The following FAF1 variants were observed in gnomAD, a reference collection of about 807,000 sequenced individuals.
FAF1 encodes Fas associated factor 1.
A neutral mutation model predicts 92.5 loss-of-function variants in FAF1; 25 were observed. The ratio of observed to expected loss-of-function variants is 0.27; its 90% CI spans 0.20 to 0.38. The LOEUF is 0.38. Ranked by LOEUF, FAF1 falls within the 10% of genes least tolerant of loss-of-function variation. FAF1 has a pLI of 1.00. For missense variants in FAF1, 636 were observed against 793.3 expected (o/e 0.80, Z 2.38); for synonymous variants, 234 against 273.2 (o/e 0.86, Z 1.42).
intron 18 of FAF1, among the ~76,000 whole-genome samples, chr1:50,454,270 T>C (rs12133928): frequency 0.048 from 7,363 of 152,308 alleles, 213 homozygotes; most frequent in East Asian, 0.075. Context: ...TCCTCAAATA[T>C]GTCTTGTGCT....
At chr1:50,597,607 T>A (rs1254472643) in intron 8 of FAF1, among the ~76,000 whole-genome samples, 1 of 152,286 alleles carries the variant, frequency 6.6e-6, no homozygotes, top group East Asian at 1.9e-4. Flanking sequence ...AAAAAGTTTA[T>A]GCATTTAAAT....
chr1:50,530,790 A>G lies in FAF1; in HGVS notation c.1494+4579T>C, dbSNP rs542000166. Among the ~76,000 whole-genome samples, 31 of 152,256 alleles carry G rather than the reference A, an allele frequency of 2.0e-4. No homozygotes were observed. The South Asian group carries it at 6.4e-3, about 32-fold the overall frequency. On this transcript the variant is annotated intron_variant, in intron 15 of 18. Transcript: ENST00000396153. ...TACTGTGTACCCAAAAAATGAAACA[A>G]ACAACCAACAAGAACAACAACAACA...
At chr1:50,493,495 C>T (rs561007963) in intron 15 of FAF1, among the ~76,000 whole-genome samples, 69 of 152,326 alleles carry the variant, frequency 4.5e-4, no homozygotes, top group Non-Finnish European at 8.1e-4. Context: ...TTTGACCTTA[C>T]TTTCCTGACT....
At chr1:50,785,452 T>TA (rs1174747813) in intron 4 of FAF1, among the ~76,000 whole-genome samples, 1 of 151,882 alleles carries the variant, frequency 6.6e-6, no homozygotes, top group Non-Finnish European at 1.5e-5. Context: ...ATAACCCATT[T>TA]AAAAAAATGG....
intron 2 of FAF1, among the ~76,000 whole-genome samples, chr1:50,857,643 C>A (rs922667184): frequency 3.3e-5 from 5 of 151,760 alleles, no homozygotes; most frequent in African/African-American, 1.2e-4. Context: ...CTCTTCTCTC[C>A]TTCCGAGCAT....
chr1:50,458,446 T>C (rs868715245), intron 18 of FAF1, among the ~76,000 whole-genome samples: 26 of 152,290 alleles, frequency 1.7e-4, no homozygotes, highest in Middle Eastern at 3.4e-3. Context: ...ATACCTGGCA[T>C]ACAATAGGCA....
chr1:50,806,327 C>T (rs1341309502), intron 2 of FAF1, among the ~76,000 whole-genome samples: 1 of 152,182 alleles, frequency 6.6e-6, no homozygotes, highest in Non-Finnish European at 1.5e-5. Context: ...TACCACCACA[C>T]ACCCAATGGT....
intron 3 of FAF1, among the ~76,000 whole-genome samples, chr1:50,790,005 C>A (rs80297338): frequency 0.066 from 10,091 of 152,262 alleles, 412 homozygotes; most frequent in East Asian, 0.095. Context: ...CCTTTCATAT[C>A]TCAGATTGAA....
At chr1:50,631,102 C>A (rs1048508488) in intron 8 of FAF1, among the ~76,000 whole-genome samples, 1 of 151,972 alleles carries the variant, frequency 6.6e-6, no homozygotes, top group Non-Finnish European at 1.5e-5. Context: ...TATTTTCATT[C>A]TCCTACCATT....
chr1:50,884,595 C>A (rs769824996), intron 1 of FAF1, among the ~76,000 whole-genome samples: 12 of 151,682 alleles, frequency 7.9e-5, no homozygotes, highest in Admixed American at 6.6e-5. Context: ...ATCCTTGGAT[C>A]TCTCAGACAC....
intron 4 of FAF1, among the ~76,000 whole-genome samples, chr1:50,774,207 T>C (rs1211296119): frequency 6.6e-6 from 1 of 152,192 alleles, no homozygotes; most frequent in African/African-American, 2.4e-5. Context: ...ATCAATTTCA[T>C]TGTCATTTCA....
intron 13 of FAF1, among the ~76,000 whole-genome samples, chr1:50,563,426 T>TA (rs1046418676): frequency 9.6e-4 from 136 of 141,920 alleles, no homozygotes; most frequent in South Asian, 5.7e-3. Flanking sequence ...CCTTGTCTCT[T>TA]AAAAAAAAAA....
chr1:50,770,528 C>T (rs1329303929), intron 4 of FAF1, among the ~76,000 whole-genome samples: 1 of 152,034 alleles, frequency 6.6e-6, no homozygotes, highest in African/African-American at 2.4e-5. Flanking sequence ...AAATGCAATA[C>T]CTAGGAATAC....
intron 15 of FAF1, among the ~76,000 whole-genome samples, chr1:50,521,629 T>C (rs1647502940): frequency 6.6e-6 from 1 of 152,152 alleles, no homozygotes; most frequent in South Asian, 2.1e-4. Context: ...AACTAGAAAA[T>C]TAAACATACT....
chr1:50,761,603 G>A (rs999807559), intron 4 of FAF1, among the ~76,000 whole-genome samples: 11 of 152,104 alleles, frequency 7.2e-5, no homozygotes, highest in African/African-American at 1.4e-4. Context: ...GATTATCTCA[G>A]TAGATGCAGA....
At position 50,490,636 on chromosome 1, in the gene FAF1, T is replaced by G; in HGVS notation, c.1605A>C (p.Glu535Asp). The stretch of plus-strand genomic sequence containing the variant: ...TGCGAATCTGCTCCAAACGAAACTG[T>G]TCTGCCATCTCTCTCTCGTGAGCTT... ...KREAHEREMA[E>D]QFRLEQIRKE... Residue 535 changes from glutamate (E) to aspartate (D), a missense_variant, in exon 17 of 19, where the codon GAA becomes GAC. Glu to Asp is a conservative substitution (Grantham distance 45). Transcript: ENST00000396153. 1 of 1,613,056 alleles carries G rather than the reference T, an allele frequency of 6.2e-7. No homozygotes were observed. The highest frequency in any genetic ancestry group is 8.5e-7 in the Non-Finnish European group (1 of 1,178,998).
At chr1:50,733,570 T>C (rs1033237871) in intron 6 of FAF1, among the ~76,000 whole-genome samples, 4 of 152,084 alleles carry the variant, frequency 2.6e-5, no homozygotes, top group Non-Finnish European at 4.4e-5. Context: ...TCTGATGGGA[T>C]TGATGTCCTT....
In FAF1 at chr1:50,660,637, G is replaced by A. The variant is rs113042024; in HGVS notation, c.658-5109C>T. On this transcript the variant is annotated intron_variant, in intron 7 of 18. Coordinates refer to ENST00000396153, the MANE Select transcript of FAF1 (RefSeq NM_007051.3). ...GCCTCCTGAGTAGCTGGGATTACAG[G>A]AGTGTGCCACCACACCTGGCTAATT... 5.7e-3 allele frequency among the ~76,000 whole-genome samples: 861 copies of A among 152,128 alleles called. 6 individuals carry two copies. The highest frequency in any genetic ancestry group is 9.6e-3 in the Non-Finnish European group (656 of 68,008).
chr1:50,473,102 T>C (rs918547894), intron 18 of FAF1, among the ~76,000 whole-genome samples: 15 of 152,164 alleles, frequency 9.9e-5, no homozygotes, highest in African/African-American at 3.6e-4. Context: ...CTGATGCTTA[T>C]ATATGAAGCA....
Sources: allele counts gnomAD v4.1 joint callset (sites outside exome capture counted in the v4.1 genomes callset), GRCh38; gene constraint gnomAD v4.1.1; transcripts MANE v1.5; gene names NCBI Gene and HGNC (gene_info 2026-07-23, HGNC 2026-07-21).